TENM1: variants seen among roughly 807,000 people sequenced by gnomAD.
TENM1 encodes teneurin-1.
A neutral mutation model predicts 174.8 loss-of-function variants in TENM1; 35 were observed. The ratio of observed to expected loss-of-function variants is 0.20; its 90% CI spans 0.15 to 0.27. TENM1 has a LOEUF of 0.27. TENM1 is among the 10% of genes least tolerant of loss of function. TENM1 has a pLI of 1.00. For synonymous variants in TENM1, 781 were observed against 798.7 expected (o/e 0.98, Z 0.37); for missense variants, 1,633 against 2,130.1 (o/e 0.77, Z 4.59).
At chrX:125,012,151 A>T in the TENM1 span, among the ~76,000 whole-genome samples, 1 of 111,505 alleles carries the variant, frequency 9.0e-6, no homozygotes, top group African/African-American at 3.3e-5. Flanking sequence ...ACATGGACAC[A>T]GCTAGAGGAA....
intron 23 of TENM1, among the ~76,000 whole-genome samples, chrX:124,434,762 A>G (rs908475037): frequency 1.8e-5 from 2 of 111,964 alleles, no homozygotes; most frequent in Non-Finnish European, 3.8e-5. Context: ...TTGTTTGTAA[A>G]TTTGATTGTT....
the TENM1 span, among the ~76,000 whole-genome samples, chrX:124,974,360 G>T: frequency 1.8e-5 from 2 of 111,506 alleles, no homozygotes; most frequent in Non-Finnish European, 3.8e-5. Flanking sequence ...TAGTTTACAT[G>T]TATTTGTTTA....
the TENM1 span, among the ~76,000 whole-genome samples, chrX:125,171,038 C>G: frequency 9.0e-6 from 1 of 110,741 alleles, no homozygotes; most frequent in African/African-American, 3.3e-5. Context: ...ACCTCTATTA[C>G]TGTTCTTATT....
At chrX:124,993,392 T>A in the TENM1 span, among the ~76,000 whole-genome samples, 1 of 111,254 alleles carries the variant, frequency 9.0e-6, no homozygotes, top group Non-Finnish European at 1.9e-5. Context: ...AGCCTCATTT[T>A]GCATACTTAT....
chrX:124,493,032 T>C (rs2047107508), intron 20 of TENM1, among the ~76,000 whole-genome samples: 1 of 110,727 alleles, frequency 9.0e-6, no homozygotes, highest in Middle Eastern at 4.7e-3. Context: ...TCAAGCTAAG[T>C]GAGAGAGCCT....
intron 23 of TENM1, among the ~76,000 whole-genome samples, chrX:124,447,182 T>C (rs970275757): frequency 8.9e-5 from 10 of 111,804 alleles, no homozygotes; most frequent in African/African-American, 3.3e-4. Context: ...TTCTTCTCTC[T>C]AGCTGAAGAT....
the TENM1 span, among the ~76,000 whole-genome samples, chrX:125,189,443 A>G: frequency 1.2e-3 from 132 of 112,386 alleles, no homozygotes; most frequent in African/African-American, 4.1e-3. Context: ...AGAGGCAAAA[A>G]CAGCAGAAGC....
At chrX:124,729,873 T>C (rs1313850710) in intron 4 of TENM1, among the ~76,000 whole-genome samples, 7 of 111,631 alleles carry the variant, frequency 6.3e-5, no homozygotes, top group Admixed American at 1.9e-4. Context: ...TTTATTTATT[T>C]AGAGACAGAA....
chrX:124,763,203 G>A (rs769894306), intron 3 of TENM1, among the ~76,000 whole-genome samples: 6 of 111,139 alleles, frequency 5.4e-5, no homozygotes, highest in Non-Finnish European at 1.1e-4. Context: ...TCACAGAAAA[G>A]TTGTATGATA....
At chrX:124,595,228 A>G (rs1309540207) in intron 11 of TENM1, among the ~76,000 whole-genome samples, 1 of 112,076 alleles carries the variant, frequency 8.9e-6, no homozygotes, top group African/African-American at 3.2e-5. Flanking sequence ...TGCAGTGAGA[A>G]TAGATCTTAA....
At chrX:124,739,366 C>T (rs756108269) in intron 3 of TENM1, among the ~76,000 whole-genome samples, 25 of 111,557 alleles carry the variant, frequency 2.2e-4, no homozygotes, top group Non-Finnish European at 4.0e-4. Flanking sequence ...GTTAAGCTTG[C>T]CTCTCTCCAC....
chrX:125,008,841 A>G, the TENM1 span, among the ~76,000 whole-genome samples: 263 of 111,847 alleles, frequency 2.4e-3, no homozygotes, highest in African/African-American at 8.1e-3. Flanking sequence ...CAATGAGAAC[A>G]AAAAGACAAT....
chrX:124,605,323 G>A (rs763343573), intron 11 of TENM1, among the ~76,000 whole-genome samples: 4 of 106,499 alleles, frequency 3.8e-5, no homozygotes, highest in Non-Finnish European at 5.8e-5. Context: ...AGGTCCAACA[G>A]AAAGTTTCAC....
the TENM1 span, among the ~76,000 whole-genome samples, chrX:125,040,746 T>G: frequency 1.3e-4 from 15 of 111,320 alleles, no homozygotes; most frequent in African/African-American, 4.9e-4. Context: ...ATTCAGTGAT[T>G]ACATCTATTT....
chrX:125,086,171 T>C, the TENM1 span, among the ~76,000 whole-genome samples: 1 of 110,985 alleles, frequency 9.0e-6, no homozygotes, highest in African/African-American at 3.2e-5. Context: ...ATCTGGTTCA[T>C]GTTATTCACC....
chrX:124,762,024 T>C (rs1468639507), intron 3 of TENM1, among the ~76,000 whole-genome samples: 1 of 112,373 alleles, frequency 8.9e-6, no homozygotes, highest in Non-Finnish European at 1.9e-5. Flanking sequence ...TACAATTGAT[T>C]TGAAATTATT....
At chrX:125,058,838 T>C in the TENM1 span, among the ~76,000 whole-genome samples, 1 of 111,057 alleles carries the variant, frequency 9.0e-6, no homozygotes, top group Non-Finnish European at 1.9e-5. Flanking sequence ...CTTTGAATTC[T>C]TTTCCTATGT....
At chrX:124,553,933 C>G (rs2048637544) in intron 14 of TENM1, among the ~76,000 whole-genome samples, 1 of 111,005 alleles carries the variant, frequency 9.0e-6, no homozygotes, top group African/African-American at 3.3e-5. Context: ...GGTGAAAACC[C>G]ATTTCTACTA....
At position 124,453,700 on chromosome X, in the gene TENM1, C is replaced by A. The variant is rs184040788; in HGVS notation, c.3950-209G>T. Among the ~76,000 whole-genome samples the A allele has an allele frequency of 7.1e-5, 8 of 111,927 alleles. No individual in the cohort carries two copies. The East Asian group carries it at 2.2e-3, about 31-fold the overall frequency. ...ATTGAGAAGAAATGACAAAAAGTCA[C>A]ACGCGGAGATAAAGCCAGGTCTAAT... On this transcript the variant is annotated intron_variant, in intron 22 of 31. Transcript: ENST00000422452.
Sources: allele counts gnomAD v4.1 joint callset (sites outside exome capture counted in the v4.1 genomes callset), GRCh38; gene constraint gnomAD v4.1.1; transcripts MANE v1.5; gene names NCBI Gene and HGNC (gene_info 2026-07-23, HGNC 2026-07-21).